Variants in KCTD16 observed in about 807,000 individuals in gnomAD.
KCTD16 encodes the protein BTB/POZ domain-containing protein KCTD16.
In KCTD16, 13 loss-of-function variants were observed where a neutral mutation model predicts 33.2. The observed-to-expected ratio is 0.39, with a 90% CI of 0.25 to 0.62. The LOEUF (loss-of-function observed/expected upper bound fraction) is 0.62, where lower values mean the gene tolerates loss of function less well. Among genes scored for constraint, KCTD16 ranks in the 20% least tolerant of loss-of-function variants. The pLI, the probability that KCTD16 is intolerant of heterozygous loss-of-function variation, is 0.50. For missense variants in KCTD16, 441 were observed against 525.1 expected (o/e 0.84, Z 1.57); for synonymous variants, 197 against 195.3 (o/e 1.01, Z -0.07).
chr5:144,207,565 T>C lies in KCTD16; in HGVS notation c.832+19T>C, dbSNP rs1463159714. ...TTCTACCGTAAGTACAAAGGGTTGT[T>C]TTAATTTTTTATGTGTGTCAATGCT... On this transcript the variant is annotated intron_variant, in intron 3 of 3. Transcript: ENST00000512467. 2 of 1,558,738 alleles carry C rather than the reference T, an allele frequency of 1.3e-6. No individual in the cohort carries two copies. Among genetic ancestry groups the C allele is most frequent in the Non-Finnish European group, 1.8e-6 (2 of 1,138,282 alleles).
chr5:144,290,128 T>C (rs1051139253), intron 3 of KCTD16, among the ~76,000 whole-genome samples: 5 of 151,776 alleles, frequency 3.3e-5, no homozygotes, highest in Non-Finnish European at 4.4e-5. Flanking sequence ...AAAATATATA[T>C]ATACACAAAT....
intron 3 of KCTD16, among the ~76,000 whole-genome samples, chr5:144,254,465 T>G (rs1352009568): frequency 1.3e-5 from 2 of 152,196 alleles, no homozygotes; most frequent in Non-Finnish European, 2.9e-5. Context: ...AAGACCTTCT[T>G]CTTCCCTTTT....
At position 144,348,278 on chromosome 5, in the gene KCTD16, A is replaced by T. The variant is rs558622346; in HGVS notation, c.833-125382A>T. On this transcript the variant is annotated intron_variant, in intron 3 of 3. Coordinates refer to ENST00000512467, the MANE Select transcript of KCTD16 (RefSeq NM_020768.4). ...CACCACAAAGCACTTGAAATACAAG[A>T]CAACATTTGATATTTGAGATATGGC... 6.6e-5 allele frequency among the ~76,000 whole-genome samples: 10 copies of T among 152,304 alleles called. No homozygotes were observed. The South Asian group carries it at 2.1e-3, about 32-fold the overall frequency.
chr5:144,335,322 T>A (rs1752459861), intron 3 of KCTD16, among the ~76,000 whole-genome samples: 1 of 152,214 alleles, frequency 6.6e-6, no homozygotes, highest in Non-Finnish European at 1.5e-5. Flanking sequence ...TAGAAAAATG[T>A]GACCCACACC....
chr5:144,371,973 G>T (rs1751977284), intron 3 of KCTD16, among the ~76,000 whole-genome samples: 1 of 151,858 alleles, frequency 6.6e-6, no homozygotes, highest in Non-Finnish European at 1.5e-5. Flanking sequence ...TTTTTACTCT[G>T]TTATCAAAGC....
chr5:144,442,450 C>CTTTCTTTCTTTCT (rs1554095073), intron 3 of KCTD16, among the ~76,000 whole-genome samples: 4 of 147,762 alleles, frequency 2.7e-5, no homozygotes, highest in African/African-American at 1.0e-4. Flanking sequence ...TCTTTTCTTT[C>CTTTCTTTCTTTCT]TTCTTTCTTT....
intron 3 of KCTD16, among the ~76,000 whole-genome samples, chr5:144,328,946 G>A (rs1185722566): frequency 1.3e-5 from 2 of 151,436 alleles, no homozygotes; most frequent in African/African-American, 4.9e-5. Flanking sequence ...GGCTGCTATA[G>A]TGATTTTAAA....
intron 3 of KCTD16, among the ~76,000 whole-genome samples, chr5:144,267,062 G>C (rs1043637146): frequency 6.6e-6 from 1 of 152,206 alleles, no homozygotes; most frequent in South Asian, 2.1e-4. Context: ...TAAATCTTCT[G>C]GTCATGAGGT....
At chr5:144,191,413 T>C (rs1201924040) in intron 2 of KCTD16, among the ~76,000 whole-genome samples, 1 of 152,218 alleles carries the variant, frequency 6.6e-6, no homozygotes, top group Non-Finnish European at 1.5e-5. Context: ...TAATTGACTG[T>C]TCTTTTCCCA....
At chr5:144,466,239 G>GT (rs35569056) in intron 3 of KCTD16, among the ~76,000 whole-genome samples, 60,021 of 134,958 alleles carry the variant, frequency 0.44, 13,248 homozygotes, top group South Asian at 0.52. Context: ...ACTAGCTAGG[G>GT]TTTTTTTTTT....
At chr5:144,461,006 CTCTT>C (rs1272909251) in intron 3 of KCTD16, among the ~76,000 whole-genome samples, 1 of 152,156 alleles carries the variant, frequency 6.6e-6, no homozygotes, top group Non-Finnish European at 1.5e-5. Flanking sequence ...GCCAGGGACT[CTCTT>C]TCAAGTGGGA....
chr5:144,286,035 T>C (rs949719652), intron 3 of KCTD16, among the ~76,000 whole-genome samples: 2 of 152,020 alleles, frequency 1.3e-5, no homozygotes, highest in Admixed American at 6.6e-5. Flanking sequence ...CAGGAAAGTT[T>C]TTTATTTTGT....
chr5:144,396,540 A>G (rs772987385), intron 3 of KCTD16, among the ~76,000 whole-genome samples: 10 of 152,150 alleles, frequency 6.6e-5, no homozygotes, highest in Admixed American at 1.3e-4. Flanking sequence ...CTAAATTAAA[A>G]CTTAGCTGAT....
chr5:144,286,064 G>T (rs574336169), intron 3 of KCTD16, among the ~76,000 whole-genome samples: 1 of 144,864 alleles, frequency 6.9e-6, no homozygotes, highest in African/African-American at 2.6e-5. Flanking sequence ...ATCACCAATT[G>T]CCCAGCAGAA....
At chr5:144,321,330 T>TA (rs1752070612) in intron 3 of KCTD16, among the ~76,000 whole-genome samples, 2 of 152,324 alleles carry the variant, frequency 1.3e-5, no homozygotes, top group South Asian at 4.1e-4. Context: ...TGTGTATTCC[T>TA]AGTCTCCATT....
rs1417057140 is a variant in KCTD16, at chr5:144,483,413, A to C, written c.*9299A>C. ...ATAGTAAATAATTTATAATATGCAT[A>C]TTGTAAATAGATACTAAAAGTCATG... On this transcript the variant is annotated 3_prime_UTR_variant, in exon 4 of 4. Transcript: ENST00000512467. 6.6e-6 allele frequency: 1 copy of C among 151,958 alleles called. No homozygotes were observed. Among genetic ancestry groups the C allele is most frequent in the Non-Finnish European group, 1.5e-5 (1 of 67,934 alleles). 9.4% of individuals were successfully genotyped at this position (151,958 alleles called of 1,614,324 possible).
At chr5:144,398,103 A>G (rs1752616166) in intron 3 of KCTD16, among the ~76,000 whole-genome samples, 1 of 152,188 alleles carries the variant, frequency 6.6e-6, no homozygotes, top group Non-Finnish European at 1.5e-5. Flanking sequence ...TTGTGTTTTT[A>G]ATACCACAAC....
intron 3 of KCTD16, chr5:144,385,431 T>A (rs1365562728): frequency 6.6e-6 from 1 of 152,206 alleles, no homozygotes; most frequent in Non-Finnish European, 1.5e-5. Context: ...ATTTTTCATG[T>A]CCTTCACATC....
chr5:144,450,533 T>C (rs572412407), intron 3 of KCTD16, among the ~76,000 whole-genome samples: 2 of 152,036 alleles, frequency 1.3e-5, no homozygotes, highest in South Asian at 4.2e-4. Context: ...ATATTCAAGA[T>C]ATGGAAAAAA....
Sources: allele counts gnomAD v4.1 joint callset (sites outside exome capture counted in the v4.1 genomes callset), GRCh38; gene constraint gnomAD v4.1.1; transcripts MANE v1.5; gene names NCBI Gene and HGNC (gene_info 2026-07-23, HGNC 2026-07-21).